CHRM5: variants seen among roughly 807,000 people sequenced by gnomAD.
The protein encoded by CHRM5 is cholinergic receptor muscarinic 5, also known as muscarinic acetylcholine receptor M5.
Under a neutral mutation model 39.0 loss-of-function variants are expected in CHRM5, and 18 were observed. That is an observed-to-expected ratio of 0.46 (90% CI 0.32 to 0.68). The LOEUF is 0.68. Ranked by LOEUF, CHRM5 falls within the 30% of genes least tolerant of loss-of-function variation. The probability of loss-of-function intolerance (pLI) is 0.04; values close to 1 mark genes in which losing one functional copy is unlikely to be tolerated. For missense variants in CHRM5, 515 were observed against 651.1 expected (o/e 0.79, Z 2.28); for synonymous variants, 241 against 246.3 (o/e 0.98, Z 0.20).
intron 1 of CHRM5, among the ~76,000 whole-genome samples, chr15:33,989,348 T>A (rs908536033): frequency 3.3e-5 from 5 of 151,958 alleles, no homozygotes; most frequent in Admixed American, 2.0e-4. Context: ...AGCTTTTGTA[T>A]AGAACTTTAT....
chr15:33,993,947 T>A (rs1267038534), intron 1 of CHRM5, among the ~76,000 whole-genome samples: 1 of 152,266 alleles, frequency 6.6e-6, no homozygotes, highest in Non-Finnish European at 1.5e-5. Context: ...TCCACTTATT[T>A]AAGTATTCAT....
intron 1 of CHRM5, among the ~76,000 whole-genome samples, chr15:34,002,150 C>T (rs1037259010): frequency 6.6e-6 from 1 of 152,066 alleles, no homozygotes; most frequent in African/African-American, 2.4e-5. Context: ...ATACAATCTG[C>T]CAATCTTATT....
intron 1 of CHRM5, among the ~76,000 whole-genome samples, chr15:34,031,431 T>G (rs1898815107): frequency 6.6e-6 from 1 of 152,146 alleles, no homozygotes; most frequent in African/African-American, 2.4e-5. Flanking sequence ...TGCCTCAGCC[T>G]CCCAAAGTGC....
chr15:34,012,366 TA>T (rs1897674334), intron 1 of CHRM5, among the ~76,000 whole-genome samples: 1 of 152,210 alleles, frequency 6.6e-6, no homozygotes, highest in Non-Finnish European at 1.5e-5. Flanking sequence ...GTCATCTGTA[TA>T]AAAAATATCT....
intron 1 of CHRM5, among the ~76,000 whole-genome samples, chr15:33,980,160 T>C (rs686966): frequency 0.81 from 123,519 of 152,270 alleles, 54,985 homozygotes; most frequent in Non-Finnish European, 0.98. Context: ...ACAAGGAACC[T>C]AAACATGTAG....
chr15:34,050,080 G>T (rs1260568122), intron 2 of CHRM5, among the ~76,000 whole-genome samples: 4 of 151,766 alleles, frequency 2.6e-5, no homozygotes, highest in African/African-American at 9.7e-5. Context: ...TAGAGATGGG[G>T]TTTCACCTTG....
chr15:34,011,407 AAATT>A (rs1409393166), intron 1 of CHRM5, among the ~76,000 whole-genome samples: 4 of 152,220 alleles, frequency 2.6e-5, no homozygotes, highest in African/African-American at 7.2e-5. Flanking sequence ...ATATTTGAAA[AAATT>A]AATAAATGCA....
Position 33,968,962 on chromosome 15 carries a change from T to A in CHRM5, c.-596T>A, listed in dbSNP as rs1895509642. 1 of 152,038 alleles carries A rather than the reference T, an allele frequency of 6.6e-6. No individual in the cohort carries two copies. Among genetic ancestry groups the A allele is most frequent in the South Asian group, 2.1e-4 (1 of 4,828 alleles). 9.4% of individuals were successfully genotyped at this position (152,038 alleles called of 1,614,324 possible). On this transcript the variant is annotated 5_prime_UTR_variant, in exon 1 of 3. Transcript: ENST00000383263. ...TCTATAATCCTATCCAAATGGAGTC[T>A]TCATCTACCGCATACTATCCTAACT... is the stretch of plus-strand genomic sequence containing the variant.
chr15:33,981,624 A>G (rs193300218), intron 1 of CHRM5, among the ~76,000 whole-genome samples: 288 of 152,270 alleles, frequency 1.9e-3, no homozygotes, highest in Admixed American at 3.6e-3. Flanking sequence ...GTGCAATATA[A>G]AGAATAGTCA....
intron 1 of CHRM5, among the ~76,000 whole-genome samples, chr15:34,019,731 G>A (rs577431707): frequency 6.6e-6 from 1 of 152,300 alleles, no homozygotes; most frequent in South Asian, 2.1e-4. Context: ...GTACAGGTTT[G>A]TAGCCCAGGA....
intron 1 of CHRM5, among the ~76,000 whole-genome samples, chr15:34,046,091 C>G (rs1899671190): frequency 6.6e-6 from 1 of 152,190 alleles, no homozygotes; most frequent in Admixed American, 6.5e-5. Context: ...CAGATAACCA[C>G]TTATATTTCA....
intron 1 of CHRM5, among the ~76,000 whole-genome samples, chr15:34,029,900 C>T (rs1898690575): frequency 6.6e-6 from 1 of 152,172 alleles, no homozygotes; most frequent in Non-Finnish European, 1.5e-5. Flanking sequence ...TTGAAACATT[C>T]TAGTCCTCAA....
At chr15:33,995,878 G>A (rs888685857) in intron 1 of CHRM5, among the ~76,000 whole-genome samples, 27 of 152,332 alleles carry the variant, frequency 1.8e-4, no homozygotes, top group Middle Eastern at 3.4e-3. Context: ...GGGGCGGGGC[G>A]CTGCCTCACC....
chr15:34,052,863 A>G (rs1296899274), intron 2 of CHRM5, among the ~76,000 whole-genome samples: 1 of 152,194 alleles, frequency 6.6e-6, no homozygotes, highest in Non-Finnish European at 1.5e-5. Flanking sequence ...AACAAATGGA[A>G]AAACATCCCA....
chr15:34,039,043 G>A (rs1483777206), intron 1 of CHRM5: 5 of 1,108,568 alleles, frequency 4.5e-6, no homozygotes, highest in South Asian at 4.1e-5. Context: ...CGCTCCGCCT[G>A]CATCTGGCCG....
At chr15:34,022,759 A>C (rs1265542748) in intron 1 of CHRM5, among the ~76,000 whole-genome samples, 2 of 152,158 alleles carry the variant, frequency 1.3e-5, no homozygotes, top group Non-Finnish European at 1.5e-5. Context: ...CATTCCCCCA[A>C]CACACACACA....
intron 1 of CHRM5, among the ~76,000 whole-genome samples, chr15:33,984,829 C>A: frequency 6.6e-6 from 1 of 152,116 alleles, no homozygotes. Flanking sequence ...GTAAATCACA[C>A]CCAATAACCA....
At chr15:34,059,336 A>G (rs1355344246) in intron 2 of CHRM5, among the ~76,000 whole-genome samples, 1 of 152,230 alleles carries the variant, frequency 6.6e-6, no homozygotes, top group Non-Finnish European at 1.5e-5. Context: ...AAGTGGAAAA[A>G]TTAAATCCTT....
chr15:34,055,005 C>G (rs1463697320), intron 2 of CHRM5, among the ~76,000 whole-genome samples: 1 of 151,968 alleles, frequency 6.6e-6, no homozygotes, highest in African/African-American at 2.4e-5. Context: ...CCAGCCTGAC[C>G]AACATGGAGA....
Sources: allele counts gnomAD v4.1 joint callset (sites outside exome capture counted in the v4.1 genomes callset), GRCh38; gene constraint gnomAD v4.1.1; transcripts MANE v1.5; gene names NCBI Gene and HGNC (gene_info 2026-07-23, HGNC 2026-07-21).